The following HROB variants were observed in gnomAD, a reference collection of about 807,000 sequenced individuals.
The protein encoded by HROB is homologous recombination OB-fold protein.
In HROB, 44 loss-of-function variants were observed where a neutral mutation model predicts 61.0. That is an observed-to-expected ratio of 0.72 (90% confidence interval 0.57 to 0.93). HROB has a LOEUF of 0.93. HROB is among the 40% of genes least tolerant of loss of function. The probability of loss-of-function intolerance (pLI) is 0.00; values close to 1 mark genes in which losing one functional copy is unlikely to be tolerated. For missense variants in HROB, 716 were observed against 796.2 expected, an observed-to-expected ratio of 0.90 and a Z score of 1.21; for synonymous variants, 301 against 310.4, an observed-to-expected ratio of 0.97 and a Z score of 0.32.
intron 1 of HROB, among the ~76,000 whole-genome samples, chr17:44,142,948 T>C (rs1289560244): frequency 6.6e-6 from 1 of 151,898 alleles, no homozygotes; most frequent in Non-Finnish European, 1.5e-5. Flanking sequence ...TGTTTGTTTG[T>C]TTTTTTGAGA....
intron 3 of HROB, among the ~76,000 whole-genome samples, chr17:44,149,861 C>T (rs1567716478): frequency 2.0e-5 from 3 of 152,236 alleles, no homozygotes; most frequent in African/African-American, 7.2e-5. Context: ...ACAGTGTGAA[C>T]AGGGGTCATT....
chr17:44,149,100 C>T, intron 3 of HROB, 73 bp downstream of exon 3: 1 of 1,388,904 alleles, frequency 7.2e-7, no homozygotes. Context: ...CCAGCCCTAG[C>T]ATATCTTCCC....
chr17:44,161,929 T>C lies in HROB; in HGVS notation c.1938T>C (p.Ser646=), dbSNP rs2144154264. 6.2e-7 allele frequency: 1 copy of C among 1,614,096 alleles called. No homozygotes were observed. Among genetic ancestry groups the C allele is most frequent in the Non-Finnish European group, 8.5e-7 (1 of 1,179,920 alleles). ...LPEDFFCGTS[S] is the part of the protein sequence containing the mutation. Reference sequence around the variant, plus strand: ...AAGACTTCTTCTGTGGGACCAGTAGTTGAGACTGCCCCAACGCAGGACAAC... The same window carrying C: ...AAGACTTCTTCTGTGGGACCAGTAGCTGAGACTGCCCCAACGCAGGACAAC... Residue 646 remains serine, a synonymous_variant, in exon 10 of 10, where the codon AGT becomes AGC. Coordinates refer to ENST00000585683, the MANE Select transcript of HROB (RefSeq NM_001171251.3).
chr17:44,161,779 C>T (rs528310134), intron 9 of HROB, 92 bp from the exon 10 acceptor site: 17 of 1,394,126 alleles, frequency 1.2e-5, no homozygotes, highest in African/African-American at 4.3e-5. Flanking sequence ...ACAGCCAGGT[C>T]CAGGCCCTCC....
intron 8 of HROB, among the ~76,000 whole-genome samples, chr17:44,156,739 C>T (rs1397297817): frequency 6.6e-6 from 1 of 151,830 alleles, no homozygotes; most frequent in African/African-American, 2.4e-5. Context: ...TCTCAGCTCA[C>T]TGCAACTTCA....
At chr17:44,155,214 G>A (rs960370019) in intron 7 of HROB, 72 bp from the exon 8 acceptor site, 124 of 1,590,948 alleles carry the variant, frequency 7.8e-5, no homozygotes, top group Middle Eastern at 1.7e-4. Context: ...AAAGGCAGGT[G>A]GGAGCCAGGT....
At chr17:44,155,107 A>C (rs1415422428) in intron 7 of HROB, among the ~76,000 whole-genome samples, 169 bp downstream of exon 7, 1 of 152,122 alleles carries the variant, frequency 6.6e-6, no homozygotes, top group Admixed American at 6.6e-5. Flanking sequence ...GCTGGCCCCC[A>C]TTCTTCAGGG....
intron 3 of HROB, 128 bp from the exon 4 acceptor site, chr17:44,150,833 A>C: frequency 1.2e-5 from 9 of 733,234 alleles, no homozygotes; most frequent in East Asian, 2.8e-5. Context: ...CTTTGTTAGG[A>C]GAGATGTAAT....
chr17:44,156,654 T>G (rs2144070697), intron 8 of HROB, among the ~76,000 whole-genome samples: 1 of 151,624 alleles, frequency 6.6e-6, no homozygotes, highest in South Asian at 2.1e-4. Context: ...ACCATTTAAT[T>G]ACCGGTATTT....
chr17:44,154,066 G>A (rs763904402), intron 5 of HROB, among the ~76,000 whole-genome samples: 2 of 150,644 alleles, frequency 1.3e-5, no homozygotes, highest in Non-Finnish European at 3.0e-5. Flanking sequence ...AAAATAGGCC[G>A]GGTGCGGTGG....
intron 9 of HROB, among the ~76,000 whole-genome samples, chr17:44,159,969 T>TA (rs2054086029): frequency 6.6e-6 from 1 of 152,164 alleles, no homozygotes; most frequent in South Asian, 2.1e-4. Flanking sequence ...GGTGGAGCAG[T>TA]GTTCTCGAAC....
At chr17:44,159,269 A>G (rs2054061230) in intron 9 of HROB, among the ~76,000 whole-genome samples, 1 of 152,184 alleles carries the variant, frequency 6.6e-6, no homozygotes, top group South Asian at 2.1e-4. Flanking sequence ...GGATATAGAG[A>G]TGATTATATA....
chr17:44,146,283 C>T (rs1270191463), intron 2 of HROB, among the ~76,000 whole-genome samples: 2 of 152,172 alleles, frequency 1.3e-5, no homozygotes, highest in East Asian at 1.9e-4. Context: ...TTCCTGGGCT[C>T]AAATGATCCT....
chr17:44,147,718 G>A, intron 2 of HROB, 140 bp from the exon 3 acceptor site: 2 of 845,548 alleles, frequency 2.4e-6, no homozygotes, highest in South Asian at 3.7e-5. Context: ...TTACAGGCAT[G>A]AGCCACCATG....
At chr17:44,154,475 G>T in intron 5 of HROB, 81 bp from the exon 6 acceptor site, 1 of 1,353,736 alleles carries the variant, frequency 7.4e-7, no homozygotes, top group Non-Finnish European at 1.1e-6. Context: ...TCCTAACCCC[G>T]GTTGCCCTGG....
intron 1 of HROB, 65 bp downstream of exon 1, chr17:44,142,210 T>C: frequency 2.1e-6 from 3 of 1,433,578 alleles, no homozygotes; most frequent in East Asian, 2.9e-5. Flanking sequence ...GAACTGCTCA[T>C]GGGGTTCCAG....
At chr17:44,160,125 G>C (rs1375477926) in intron 9 of HROB, among the ~76,000 whole-genome samples, 2 of 152,224 alleles carry the variant, frequency 1.3e-5, no homozygotes, top group Non-Finnish European at 2.9e-5. Context: ...TCATCAGGCA[G>C]CCCTTATCAG....
intron 8 of HROB, among the ~76,000 whole-genome samples, chr17:44,156,337 GCGAT>G (rs1467291016): frequency 6.6e-6 from 1 of 151,410 alleles, no homozygotes; most frequent in African/African-American, 2.4e-5. Context: ...CCAGATTCAA[GCGAT>G]TCTCCCACCT....
At chr17:44,145,922 T>C (rs945484832) in intron 2 of HROB, among the ~76,000 whole-genome samples, 3 of 152,216 alleles carry the variant, frequency 2.0e-5, no homozygotes, top group South Asian at 4.1e-4. Flanking sequence ...GTTTGTTACA[T>C]AGGTAAACAT....
Sources: gnomAD v4.1 joint callset for allele counts (sites outside exome capture counted in the v4.1 genomes callset) on GRCh38, gnomAD v4.1.1 for gene constraint, MANE v1.5 for transcripts, NCBI Gene and HGNC (gene_info 2026-07-23, HGNC 2026-07-21) for gene names.